Variants in CTNNA2 observed in about 807,000 individuals in gnomAD.
The protein encoded by CTNNA2 is catenin alpha 2.
Under a neutral mutation model 101.0 loss-of-function variants are expected in CTNNA2, and 42 were observed. The ratio of observed to expected loss-of-function variants is 0.42; its 90% CI spans 0.32 to 0.54. The LOEUF is 0.54. CTNNA2 is among the 20% of genes least tolerant of loss of function. The probability of loss-of-function intolerance (pLI) is 0.14; values close to 1 mark genes in which losing one functional copy is unlikely to be tolerated. For synonymous variants in CTNNA2, 450 were observed against 456.4 expected (o/e 0.99, Z 0.18); for missense variants, 871 against 1,223.1 (o/e 0.71, Z 4.29).
At chr2:80,029,461 C>T (rs986326073) in intron 7 of CTNNA2, 2 of 152,102 alleles carry the variant, frequency 1.3e-5, no homozygotes, top group African/African-American at 4.8e-5. Context: ...TCTCAGAGGT[C>T]TCCTAGCTTC....
At position 79,328,989 on chromosome 2, in the gene CTNNA2, G is replaced by A. The variant is rs550097211; in HGVS notation, c.-318+16193G>A. Among the ~76,000 whole-genome samples the A allele has an allele frequency of 2.0e-5, 3 of 152,266 alleles. No individual in the cohort carries two copies. The South Asian group carries it at 6.2e-4, about 32-fold the overall frequency. On this transcript the variant is annotated intron_variant, in intron 3 of 21. Coordinates refer to the CTNNA2 transcript ENST00000466387. ...TCACATGGCATTGTTCCCTCTGGGT[G>A]TCTGTGTCTATGTGTCCAAACTTTC... is the stretch of plus-strand genomic sequence containing the variant.
chr2:79,280,910 G>C (rs1573021437), intron 2 of CTNNA2, among the ~76,000 whole-genome samples: 1 of 152,022 alleles, frequency 6.6e-6, no homozygotes, highest in East Asian at 1.9e-4. Flanking sequence ...TATCATACTA[G>C]AAAGCCTGAT....
At chr2:80,414,343 T>TA (rs1186312148) in intron 8 of CTNNA2, among the ~76,000 whole-genome samples, 1 of 152,234 alleles carries the variant, frequency 6.6e-6, no homozygotes, top group Admixed American at 6.5e-5. Context: ...TTGTTCCTTA[T>TA]AAACAACTCT....
At chr2:79,316,696 T>C (rs902650547) in intron 3 of CTNNA2, among the ~76,000 whole-genome samples, 3 of 151,806 alleles carry the variant, frequency 2.0e-5, no homozygotes, top group African/African-American at 7.2e-5. Flanking sequence ...TGAATTGTTT[T>C]CTTAATTTTA....
intron 2 of CTNNA2, among the ~76,000 whole-genome samples, chr2:79,723,899 T>C (rs1686645830): frequency 6.6e-6 from 1 of 152,220 alleles, no homozygotes; most frequent in Admixed American, 6.5e-5. Flanking sequence ...CTGTGTCTTT[T>C]CCTGCCTGGA....
intron 2 of CTNNA2, among the ~76,000 whole-genome samples, chr2:79,299,971 T>C (rs1676072499): frequency 6.6e-6 from 1 of 152,244 alleles, no homozygotes; most frequent in South Asian, 2.1e-4. Flanking sequence ...AGTTGCTGTA[T>C]AACTGCCAAC....
chr2:80,319,307 G>GT lies in CTNNA2; in HGVS notation c.1057-73895dup, dbSNP rs371545017. Among the ~76,000 whole-genome samples the GT allele has an allele frequency of 7.7e-3, 1,161 of 151,712 alleles. 16 individuals carry two copies. Among genetic ancestry groups the GT allele is most frequent in the African/African-American group, 0.026 (1,071 of 41,362 alleles). On this transcript the variant is annotated intron_variant, in intron 7 of 18. Coordinates refer to ENST00000402739, the MANE Select transcript of CTNNA2 (RefSeq NM_001282597.3). Reference sequence around the variant, plus strand: ...AGCAAGGGCTGATGGATACCAACCAGTTTTTTTTTGTTGTTGTTGTTTTTA... The same window carrying GT: ...AGCAAGGGCTGATGGATACCAACCAGTTTTTTTTTTGTTGTTGTTGTTTTTA...
chr2:79,475,440 A>G (rs1159156338), intron 4 of CTNNA2, among the ~76,000 whole-genome samples: 1 of 152,164 alleles, frequency 6.6e-6, no homozygotes, highest in Non-Finnish European at 1.5e-5. Context: ...CCCATTCAGT[A>G]TTCTTATTTA....
At chr2:80,584,854 G>C (rs1205072107) in intron 14 of CTNNA2, among the ~76,000 whole-genome samples, 1 of 152,050 alleles carries the variant, frequency 6.6e-6, no homozygotes, top group African/African-American at 2.4e-5. Flanking sequence ...TCATTAGAAG[G>C]CTGACTAAAT....
chr2:79,628,141 A>T (rs888702748), intron 1 of CTNNA2, among the ~76,000 whole-genome samples: 2 of 152,156 alleles, frequency 1.3e-5, no homozygotes, highest in African/African-American at 4.8e-5. Context: ...GTGTTTTTTA[A>T]ACACTCACAT....
At chr2:80,515,719 A>G (rs1050723751) in intron 9 of CTNNA2, among the ~76,000 whole-genome samples, 4 of 152,246 alleles carry the variant, frequency 2.6e-5, no homozygotes, top group African/African-American at 9.6e-5. Context: ...AAAGAAACAT[A>G]GAAACTGAAG....
intron 8 of CTNNA2, among the ~76,000 whole-genome samples, chr2:80,415,812 G>A (rs191166294): frequency 1.8e-4 from 28 of 152,260 alleles, no homozygotes; most frequent in African/African-American, 6.0e-4. Context: ...ATTAAAAAAT[G>A]TGATAGGCAG....
chr2:80,150,252 C>A (rs1171653816), intron 7 of CTNNA2, among the ~76,000 whole-genome samples: 1 of 152,186 alleles, frequency 6.6e-6, no homozygotes, highest in Non-Finnish European at 1.5e-5. Flanking sequence ...CTACTCATTA[C>A]CTCCTCTGAG....
chr2:79,581,251 C>T (rs1003252485), intron 1 of CTNNA2, among the ~76,000 whole-genome samples: 5 of 152,178 alleles, frequency 3.3e-5, no homozygotes, highest in South Asian at 2.1e-4. Flanking sequence ...TTTGGCTGGG[C>T]GCAGTGGCTC....
At chr2:80,449,038 T>A (rs1198512545) in intron 9 of CTNNA2, among the ~76,000 whole-genome samples, 1 of 152,158 alleles carries the variant, frequency 6.6e-6, no homozygotes, top group African/African-American at 2.4e-5. Flanking sequence ...ATTGATGATA[T>A]GGGTTTGTAC....
At chr2:80,473,468 A>C (rs1358215295) in intron 9 of CTNNA2, among the ~76,000 whole-genome samples, 1 of 152,212 alleles carries the variant, frequency 6.6e-6, no homozygotes, top group Non-Finnish European at 1.5e-5. Context: ...TATATATTCT[A>C]ATTTTCCTAA....
chr2:79,771,833 C>T (rs1163242745), intron 3 of CTNNA2, among the ~76,000 whole-genome samples: 1 of 152,178 alleles, frequency 6.6e-6, no homozygotes, highest in Admixed American at 6.5e-5. Flanking sequence ...ACAAAATTAT[C>T]TTCCAAACTG....
chr2:80,009,583 G>A (rs554459005), intron 7 of CTNNA2, among the ~76,000 whole-genome samples: 6 of 152,128 alleles, frequency 3.9e-5, no homozygotes, highest in Admixed American at 1.3e-4. Context: ...ACACATATAC[G>A]CTTTTTAAAT....
intron 18 of CTNNA2, among the ~76,000 whole-genome samples, chr2:80,645,134 C>T (rs894263503): frequency 1.3e-5 from 2 of 152,124 alleles, no homozygotes; most frequent in Non-Finnish European, 2.9e-5. Flanking sequence ...AATGAAACGT[C>T]CCTGTCATAT....
Sources: gnomAD v4.1 joint callset for allele counts (sites outside exome capture counted in the v4.1 genomes callset) on GRCh38, gnomAD v4.1.1 for gene constraint, MANE v1.5 for transcripts, NCBI Gene and HGNC (gene_info 2026-07-23, HGNC 2026-07-21) for gene names.